The following SLC61A1 variants were observed in gnomAD, a reference collection of about 807,000 sequenced individuals.
SLC61A1 encodes the protein major facilitator superfamily domain containing 5.
chr12:53,252,420 G>A, the SLC61A1 span: 1 of 1,287,850 alleles, frequency 7.8e-7, no homozygotes, highest in Non-Finnish European at 9.8e-7. Flanking sequence ...GCGGGTGGGA[G>A]GGATGCCCGG....
chr12:53,253,352 C>T, the SLC61A1 span: 3 of 1,614,136 alleles, frequency 1.9e-6, no homozygotes, highest in African/African-American at 2.7e-5. Flanking sequence ...TACCTTTGCT[C>T]GAGCTGCCTT....
chr12:53,254,090 G>A, the SLC61A1 span: 4 of 1,614,224 alleles, frequency 2.5e-6, no homozygotes, highest in East Asian at 8.9e-5. Flanking sequence ...CATGGTGATG[G>A]CTCTGCTGGC....
chr12:53,254,206 A>G, the SLC61A1 span: 1 of 1,608,526 alleles, frequency 6.2e-7, no homozygotes, highest in Non-Finnish European at 8.5e-7. Context: ...CCAGGACAAG[A>G]TAGCTGGGAC....
At chr12:53,251,560 T>G in the SLC61A1 span, 1 of 651,596 alleles carries the variant, frequency 1.5e-6, no homozygotes, top group African/African-American at 1.8e-5. Context: ...GGCATTGCTA[T>G]CCTGTGACTT....
chr12:53,251,960 G>A, the SLC61A1 span: 2 of 1,515,638 alleles, frequency 1.3e-6, no homozygotes, highest in Admixed American at 4.0e-5. Flanking sequence ...GCGAGGCCAG[G>A]CCAGGAGAAG....
At chr12:53,251,978 A>G in the SLC61A1 span, 8 of 1,424,988 alleles carry the variant, frequency 5.6e-6, no homozygotes, top group African/African-American at 1.0e-4. Context: ...AAGCAACCGC[A>G]GCCTCCTATG....
At chr12:53,252,346 T>A in the SLC61A1 span, 1 of 1,343,068 alleles carries the variant, frequency 7.4e-7, no homozygotes, top group Non-Finnish European at 9.5e-7. Context: ...GGGGTGCCAG[T>A]GACCTGGAGG....
the SLC61A1 span, chr12:53,253,727 C>T: frequency 6.2e-7 from 1 of 1,614,080 alleles, no homozygotes; most frequent in Non-Finnish European, 8.5e-7. Context: ...TGGCTCTTCC[C>T]TGTACCGTAT....
the SLC61A1 span, chr12:53,253,744 C>T: frequency 3.1e-6 from 5 of 1,614,036 alleles, no homozygotes; most frequent in East Asian, 2.2e-5. Flanking sequence ...GTATCGCCAC[C>T]TCCAAGAGGT....
At chr12:53,252,578 G>A in the SLC61A1 span, 45 of 1,345,506 alleles carry the variant, frequency 3.3e-5, no homozygotes, top group Admixed American at 1.3e-3. Context: ...TCACAGGCAA[G>A]GATGGGTTGA....
chr12:53,251,572 A>G, the SLC61A1 span: 1 of 715,238 alleles, frequency 1.4e-6, no homozygotes, highest in Non-Finnish European at 2.2e-6. Flanking sequence ...CTGTGACTTC[A>G]AAGAAACTGG....
chr12:53,252,069 C>G, the SLC61A1 span: 7 of 1,465,898 alleles, frequency 4.8e-6, no homozygotes, highest in African/African-American at 1.4e-5. Flanking sequence ...CGGGGCGGGG[C>G]GGGGTTTTGG....
the SLC61A1 span, chr12:53,253,301 C>T: frequency 1.9e-6 from 3 of 1,614,152 alleles, no homozygotes; most frequent in Non-Finnish European, 1.7e-6. Context: ...TATCCATGAG[C>T]ACGTGGAACG....
At chr12:53,251,552 C>T in the SLC61A1 span, 8 of 611,990 alleles carry the variant, frequency 1.3e-5, no homozygotes, top group South Asian at 4.5e-5. Flanking sequence ...TTTATTTGGG[C>T]ATTGCTATCC....
At chr12:53,252,362 G>T in the SLC61A1 span, 1 of 1,332,726 alleles carries the variant, frequency 7.5e-7, no homozygotes, top group Non-Finnish European at 9.6e-7. Flanking sequence ...GGAGGAGTGG[G>T]CCTCTGAGAT....
At chr12:53,251,642 G>T in the SLC61A1 span, 1 of 1,333,860 alleles carries the variant, frequency 7.5e-7, no homozygotes, top group South Asian at 1.5e-5. Context: ...ACAGGGGCAG[G>T]ACTGCGCCTT....
chr12:53,252,047 AGGGCGGGCGGGCG>A, the SLC61A1 span: 1 of 194,568 alleles, frequency 5.1e-6, no homozygotes, highest in South Asian at 7.9e-5. Context: ...TAAGGGAAGG[AGGGCGGGCGGGCG>A]GGGCGGGGCG....
chr12:53,252,795 C>CT, the SLC61A1 span: 8 of 1,608,314 alleles, frequency 5.0e-6, no homozygotes, highest in Non-Finnish European at 5.9e-6. Flanking sequence ...GGATATGGCT[C>CT]TGACTCCCAC....
the SLC61A1 span, chr12:53,254,103 T>C: frequency 2.5e-6 from 4 of 1,614,180 alleles, no homozygotes; most frequent in Non-Finnish European, 3.4e-6. Flanking sequence ...CTGCTGGCAG[T>C]GGTGGGACTC....
Sources: allele counts gnomAD v4.1 joint callset, GRCh38; gene constraint gnomAD v4.1.1; transcripts MANE v1.5; gene names NCBI Gene and HGNC (gene_info 2026-07-23, HGNC 2026-07-21).